The following SHISA9 variants were observed in gnomAD, a reference collection of about 807,000 sequenced individuals.
SHISA9 encodes shisa family member 9.
SHISA9 carries 13 observed loss-of-function variants against 38.0 expected under a neutral mutation model. That is an observed-to-expected ratio of 0.34 (90% CI 0.22 to 0.54). The LOEUF (loss-of-function observed/expected upper bound fraction) is 0.54, where lower values mean the gene tolerates loss of function less well. Among genes scored for constraint, SHISA9 ranks in the 20% least tolerant of loss-of-function variants. SHISA9 has a pLI of 0.91. For missense variants in SHISA9, 538 were observed against 575.8 expected (o/e 0.93, Z 0.67); for synonymous variants, 275 against 242.0 (o/e 1.14, Z -1.27).
At chr16:13,181,302 TATATATATATACACACAC>T (rs2050776438) in intron 2 of SHISA9, among the ~76,000 whole-genome samples, 1 of 45,452 alleles carries the variant, frequency 2.2e-5, no homozygotes, top group East Asian at 6.3e-4. Context: ...TATATATATA[TATATATATATACACACAC>T]ACACACACAC....
chr16:13,008,677 C>G (rs1207608141), intron 2 of SHISA9, among the ~76,000 whole-genome samples: 2 of 136,090 alleles, frequency 1.5e-5, no homozygotes, highest in Admixed American at 1.5e-4. Flanking sequence ...CTCCCTCCCT[C>G]CCTCTCTCTC....
In SHISA9 at chr16:12,921,903, A is replaced by T. The variant is rs531752318; in HGVS notation, c.691+5088A>T. ...AGCAGTGACTTACACAGATAACATT[A>T]TAAAACTCCAAAACATGGATTCCTC... is the stretch of plus-strand genomic sequence containing the variant. On this transcript the variant is annotated intron_variant, in intron 2 of 4. Transcript: ENST00000558583. Among the ~76,000 whole-genome samples the T allele has an allele frequency of 3.3e-5, 5 of 152,366 alleles. No homozygotes were observed. The East Asian group carries it at 9.6e-4, about 29-fold the overall frequency.
chr16:13,547,865 A>T, the SHISA9 span, among the ~76,000 whole-genome samples: 1 of 152,076 alleles, frequency 6.6e-6, no homozygotes, highest in Non-Finnish European at 1.5e-5. Context: ...TAGAAAAAAA[A>T]CATAAAATTA....
At chr16:13,220,339 G>A (rs1435918554) in intron 4 of SHISA9, among the ~76,000 whole-genome samples, 1 of 152,170 alleles carries the variant, frequency 6.6e-6, no homozygotes, top group Non-Finnish European at 1.5e-5. Flanking sequence ...ATGAGGGTGG[G>A]AGAGGTGCAA....
chr16:13,171,487 C>T (rs548605154), intron 2 of SHISA9, among the ~76,000 whole-genome samples: 38 of 77,226 alleles, frequency 4.9e-4, no homozygotes, highest in Non-Finnish European at 4.8e-4. Flanking sequence ...CAGCAGGGGG[C>T]GGGGGTGGGG....
At chr16:12,985,288 G>A (rs2072293718) in intron 2 of SHISA9, among the ~76,000 whole-genome samples, 1 of 150,526 alleles carries the variant, frequency 6.6e-6, no homozygotes. Flanking sequence ...AGAGGTGTTG[G>A]ATGGGAGAGG....
At chr16:13,086,821 A>G (rs1053272301) in intron 2 of SHISA9, among the ~76,000 whole-genome samples, 3 of 150,332 alleles carry the variant, frequency 2.0e-5, no homozygotes, top group African/African-American at 7.5e-5. Context: ...TTTATTTTTT[A>G]TTTTTTTAAA....
At chr16:13,066,536 G>A (rs147135748) in intron 2 of SHISA9, among the ~76,000 whole-genome samples, 2 of 152,168 alleles carry the variant, frequency 1.3e-5, no homozygotes, top group Non-Finnish European at 2.9e-5. Context: ...GGCACTCAAT[G>A]AATATATGTA....
At chr16:13,469,365 A>AAAGAAAAAGAG in the SHISA9 span, among the ~76,000 whole-genome samples, 1 of 64,534 alleles carries the variant, frequency 1.5e-5, no homozygotes, top group South Asian at 5.0e-4. Flanking sequence ...AAAGAAAAGA[A>AAAGAAAAAGAG]AAAGAAAGAA....
intron 2 of SHISA9, among the ~76,000 whole-genome samples, chr16:12,996,445 C>T (rs1446394630): frequency 6.6e-6 from 1 of 152,212 alleles, no homozygotes; most frequent in Non-Finnish European, 1.5e-5. Flanking sequence ...GCCTGATGCT[C>T]TGGCTGAGTG....
intron 3 of SHISA9, among the ~76,000 whole-genome samples, chr16:13,205,527 G>A (rs2051055599): frequency 6.6e-6 from 1 of 152,144 alleles, no homozygotes; most frequent in Non-Finnish European, 1.5e-5. Context: ...TACCATCTGT[G>A]TAGCCTTGGG....
At chr16:13,000,648 C>T (rs1157624333) in intron 2 of SHISA9, among the ~76,000 whole-genome samples, 2 of 152,238 alleles carry the variant, frequency 1.3e-5, no homozygotes, top group East Asian at 3.9e-4. Context: ...CCCCAGGAGC[C>T]TGATGGGGCA....
intron 2 of SHISA9, among the ~76,000 whole-genome samples, chr16:13,057,946 C>G (rs999722576): frequency 6.6e-6 from 1 of 152,164 alleles, no homozygotes; most frequent in Admixed American, 6.5e-5. Flanking sequence ...ATAATGGCTT[C>G]AAGCTCCATC....
chr16:13,116,636 G>C (rs912390554), intron 2 of SHISA9, among the ~76,000 whole-genome samples: 1 of 152,186 alleles, frequency 6.6e-6, no homozygotes, highest in Admixed American at 6.5e-5. Context: ...AGCATGGTGG[G>C]TGCTCAGCAA....
chr16:13,419,335 G>T, the SHISA9 span, among the ~76,000 whole-genome samples: 1 of 152,316 alleles, frequency 6.6e-6, no homozygotes, highest in African/African-American at 2.4e-5. Flanking sequence ...CTGGAAATTT[G>T]ATCTGTGCTT....
the SHISA9 span, among the ~76,000 whole-genome samples, chr16:13,266,625 C>T: frequency 5.3e-5 from 8 of 151,932 alleles, no homozygotes; most frequent in Non-Finnish European, 1.0e-4. Flanking sequence ...GCATTGTAAA[C>T]GAAGAAGAAA....
chr16:13,250,692 C>T, the SHISA9 span, among the ~76,000 whole-genome samples: 1 of 152,092 alleles, frequency 6.6e-6, no homozygotes, highest in African/African-American at 2.4e-5. Flanking sequence ...TTTCTGTATT[C>T]CAGGATTCTG....
chr16:13,303,094 A>G, the SHISA9 span, among the ~76,000 whole-genome samples: 7 of 152,202 alleles, frequency 4.6e-5, no homozygotes, highest in African/African-American at 1.4e-4. Flanking sequence ...CAAAATGGCA[A>G]TAACTGTTTT....
At chr16:12,925,521 G>C (rs933179891) in intron 2 of SHISA9, among the ~76,000 whole-genome samples, 2 of 151,876 alleles carry the variant, frequency 1.3e-5, no homozygotes, top group African/African-American at 4.8e-5. Flanking sequence ...ATCACTTTCT[G>C]TAAGTTGTCT....
Sources: gnomAD v4.1 joint callset for allele counts (sites outside exome capture counted in the v4.1 genomes callset) on GRCh38, gnomAD v4.1.1 for gene constraint, MANE v1.5 for transcripts, NCBI Gene and HGNC (gene_info 2026-07-23, HGNC 2026-07-21) for gene names.